Variants in PTPRG observed in about 807,000 individuals in gnomAD.
The protein encoded by PTPRG is receptor-type tyrosine-protein phosphatase gamma.
Under a neutral mutation model 165.3 loss-of-function variants are expected in PTPRG, and 102 were observed. That is an observed-to-expected ratio of 0.62 (90% CI 0.53 to 0.73). PTPRG has a LOEUF of 0.73. Ranked by LOEUF, PTPRG falls within the 30% of genes least tolerant of loss-of-function variation. The pLI is 0.00. For missense variants in PTPRG, 1,866 were observed against 1,861.4 expected (o/e 1.00, Z -0.05); for synonymous variants, 675 against 669.5 (o/e 1.01, Z -0.13).
intron 4 of PTPRG, among the ~76,000 whole-genome samples, chr3:62,048,240 G>C (rs79390899): frequency 0.041 from 6,312 of 152,208 alleles, 194 homozygotes; most frequent in Non-Finnish European, 0.065. Context: ...CCTAGAATTA[G>C]AGAAAATATA....
At chr3:61,575,497 C>CCCAT in intron 1 of PTPRG, among the ~76,000 whole-genome samples, 1 of 151,700 alleles carries the variant, frequency 6.6e-6, no homozygotes, top group East Asian at 1.9e-4. Context: ...GTTTTCTTAC[C>CCCAT]TTTAAAATGG....
chr3:62,066,023 T>C (rs1701000946), intron 4 of PTPRG, among the ~76,000 whole-genome samples: 1 of 152,172 alleles, frequency 6.6e-6, no homozygotes, highest in Admixed American at 6.5e-5. Context: ...CATTCAGCTG[T>C]ATAGTGCAAA....
At chr3:62,067,489 T>A (rs556174242) in intron 4 of PTPRG, among the ~76,000 whole-genome samples, 3 of 152,188 alleles carry the variant, frequency 2.0e-5, no homozygotes, top group Non-Finnish European at 4.4e-5. Context: ...ACTTGCATTG[T>A]ATTTATTGTG....
Position 61,992,541 on chromosome 3 carries a change from C to T in PTPRG, c.370+2737C>T, listed in dbSNP as rs188322201. ...TGCCCGGCTAATTTTTTTTTTGAGA[C>T]GGAGTCTCGCTCTTGTCACCCAGGC... On this transcript the variant is annotated intron_variant, in intron 3 of 29. Transcript: ENST00000474889. 2.0e-5 allele frequency among the ~76,000 whole-genome samples: 3 copies of T among 149,304 alleles called. No individual in the cohort carries two copies. In the East Asian group the frequency reaches 6.0e-4, roughly 30 times the overall value.
chr3:62,048,566 G>T (rs569603902), intron 4 of PTPRG, among the ~76,000 whole-genome samples: 4 of 152,176 alleles, frequency 2.6e-5, no homozygotes, highest in Non-Finnish European at 5.9e-5. Flanking sequence ...CACCAGAAGG[G>T]CAACCTTTTT....
chr3:62,043,878 A>G (rs1700204448), intron 4 of PTPRG, among the ~76,000 whole-genome samples: 1 of 152,220 alleles, frequency 6.6e-6, no homozygotes, highest in African/African-American at 2.4e-5. Flanking sequence ...TTTGAAATCC[A>G]TTAGAAAACA....
intron 1 of PTPRG, among the ~76,000 whole-genome samples, chr3:61,736,230 TA>T (rs1420212173): frequency 4.7e-4 from 71 of 151,880 alleles, no homozygotes; most frequent in African/African-American, 1.7e-3. Context: ...TTTAATTTTT[TA>T]ATCATCACTG....
intron 10 of PTPRG, among the ~76,000 whole-genome samples, chr3:62,196,770 AG>A (rs1350956793): frequency 2.6e-5 from 4 of 152,306 alleles, no homozygotes; most frequent in South Asian, 2.1e-4. Context: ...CAGGTTAACC[AG>A]GCCAGTGGTG....
At chr3:62,218,798 G>GATCCCAC (rs1277379864) in intron 12 of PTPRG, 53 bp from the exon 13 acceptor site, 4 of 1,564,394 alleles carry the variant, frequency 2.6e-6, no homozygotes, top group Non-Finnish European at 3.5e-6. Flanking sequence ...ATCAATTCTG[G>GATCCCAC]CTCCCACCTC....
At chr3:61,672,341 C>G (rs1359458966) in intron 1 of PTPRG, among the ~76,000 whole-genome samples, 65 of 144,808 alleles carry the variant, frequency 4.5e-4, no homozygotes, top group African/African-American at 1.5e-3. Flanking sequence ...AGGCTGCAAT[C>G]TCGGCACTTT....
At chr3:61,986,370 T>A (rs1024878553) in intron 2 of PTPRG, among the ~76,000 whole-genome samples, 1 of 152,136 alleles carries the variant, frequency 6.6e-6, no homozygotes, top group African/African-American at 2.4e-5. Flanking sequence ...AATTGTATAA[T>A]AGTAATAATG....
chr3:61,682,425 G>T (rs1257221704), intron 1 of PTPRG, among the ~76,000 whole-genome samples: 1 of 152,138 alleles, frequency 6.6e-6, no homozygotes, highest in East Asian at 1.9e-4. Flanking sequence ...GTTAAATGTT[G>T]ACAGTAATGG....
At chr3:62,027,454 G>C (rs1037168333) in intron 4 of PTPRG, among the ~76,000 whole-genome samples, 2 of 152,246 alleles carry the variant, frequency 1.3e-5, no homozygotes, top group East Asian at 3.9e-4. Flanking sequence ...GGCTGTGTCA[G>C]CATAAATCAG....
At chr3:62,029,273 C>T (rs894610801) in intron 4 of PTPRG, among the ~76,000 whole-genome samples, 2 of 151,938 alleles carry the variant, frequency 1.3e-5, no homozygotes, top group Non-Finnish European at 2.9e-5. Flanking sequence ...AACACAGGTC[C>T]GAGTTAGAGT....
chr3:61,923,420 A>G (rs1251213199), intron 2 of PTPRG, among the ~76,000 whole-genome samples: 1 of 151,748 alleles, frequency 6.6e-6, no homozygotes, highest in Non-Finnish European at 1.5e-5. Flanking sequence ...TTTTATTATT[A>G]TTATACTTCA....
chr3:61,862,679 G>A (rs1182882967), intron 2 of PTPRG, among the ~76,000 whole-genome samples: 2 of 152,186 alleles, frequency 1.3e-5, no homozygotes, highest in Non-Finnish European at 2.9e-5. Flanking sequence ...ACAGGTGTAA[G>A]CCACCGTGCC....
At chr3:61,987,983 G>A (rs1430388041) in intron 2 of PTPRG, among the ~76,000 whole-genome samples, 9 of 152,238 alleles carry the variant, frequency 5.9e-5, no homozygotes, top group Admixed American at 6.5e-5. Context: ...TGACAAAGAG[G>A]TAAAAAAATA....
chr3:62,293,362 T>G lies in PTPRG; in HGVS notation c.*55T>G. The G allele has an allele frequency of 6.9e-7, 1 of 1,440,352 alleles. No homozygotes were observed. The highest frequency in any genetic ancestry group is 9.2e-7 in the Non-Finnish European group (1 of 1,088,224). The allele number at this position is 1,440,352 out of a possible 1,614,324, so 89.2% of individuals were successfully genotyped here. On this transcript the variant is annotated 3_prime_UTR_variant, in exon 30 of 30. Transcript: ENST00000474889. ...AAACTTCTGAAGACTGAGAACTTTT[T>G]TGAGGCCTTTTTTGCCAGACTCTAG... is the stretch of plus-strand genomic sequence containing the variant.
chr3:61,734,418 A>C (rs965236015), intron 1 of PTPRG, among the ~76,000 whole-genome samples: 1 of 152,114 alleles, frequency 6.6e-6, no homozygotes, highest in African/African-American at 2.4e-5. Flanking sequence ...CTTAATACTC[A>C]CTTACTGATT....
Sources: allele counts gnomAD v4.1 joint callset (sites outside exome capture counted in the v4.1 genomes callset), GRCh38; gene constraint gnomAD v4.1.1; transcripts MANE v1.5; gene names NCBI Gene and HGNC (gene_info 2026-07-23, HGNC 2026-07-21).